Variants in SWAP70 observed in about 807,000 individuals in gnomAD.
The protein encoded by SWAP70 is switching B cell complex subunit SWAP70, also known as switch-associated protein 70.
SWAP70 carries 34 observed loss-of-function variants against 80.2 expected under a neutral mutation model. The ratio of observed to expected loss-of-function variants is 0.42; its 90% confidence interval spans 0.32 to 0.56. SWAP70 has a LOEUF of 0.56. Among genes scored for constraint, SWAP70 ranks in the 20% least tolerant of loss-of-function variants. SWAP70 has a pLI of 0.09. For missense variants in SWAP70, 578 were observed against 690.7 expected, an observed-to-expected ratio of 0.84 and a Z score of 1.83; for synonymous variants, 239 against 238.5, an observed-to-expected ratio of 1.00 and a Z score of -0.02.
At chr11:9,697,344 G>A (rs1416690625) in intron 2 of SWAP70, among the ~76,000 whole-genome samples, 1 of 149,318 alleles carries the variant, frequency 6.7e-6, no homozygotes, top group African/African-American at 2.5e-5. Context: ...GTGCAGTGCC[G>A]CAATCTCGGC....
At chr11:9,741,000 T>G (rs1564834749) in intron 9 of SWAP70, 1 of 154,820 alleles carries the variant, frequency 6.5e-6, no homozygotes, top group Non-Finnish European at 1.4e-5. Context: ...TCTGCCAGTT[T>G]CTACTTTGCT....
In SWAP70 at chr11:9,710,630, C is replaced by T. The variant is rs577906603; in HGVS notation, c.241-2836C>T. 1.3e-5 allele frequency among the ~76,000 whole-genome samples: 2 copies of T among 151,492 alleles called. 1 individual carries two copies. The highest frequency in any genetic ancestry group is 4.2e-4 in the South Asian group (2 of 4,762). ...CTGCCCATGCCTGCCTCCTCCAGTA[C>T]ATCTTCCATGTTATTCCAGGATATG... On this transcript the variant is annotated intron_variant, in intron 2 of 11. Transcript: ENST00000318950.
chr11:9,720,042 C>T, intron 3 of SWAP70: 5 of 984,604 alleles, frequency 5.1e-6, no homozygotes, highest in Non-Finnish European at 6.0e-6. Context: ...AAGTAAGCTG[C>T]TTCCTGAAAC....
At chr11:9,668,776 G>C (rs772581418) in intron 1 of SWAP70, among the ~76,000 whole-genome samples, 2 of 152,068 alleles carry the variant, frequency 1.3e-5, no homozygotes, top group African/African-American at 4.8e-5. Context: ...AAGCTATATG[G>C]GTATTCTAAA....
At chr11:9,704,480 C>T (rs1850874516) in intron 2 of SWAP70, among the ~76,000 whole-genome samples, 1 of 151,970 alleles carries the variant, frequency 6.6e-6, no homozygotes, top group African/African-American at 2.4e-5. Context: ...CTGCAACCTC[C>T]ACCTCCCGGG....
chr11:9,730,255 C>T (rs1851279438), intron 6 of SWAP70, among the ~76,000 whole-genome samples: 1 of 149,396 alleles, frequency 6.7e-6, no homozygotes, highest in South Asian at 2.1e-4. Context: ...CTTTGGGAGG[C>T]AGAGGCGGGT....
chr11:9,730,061 A>T (rs956741208), intron 6 of SWAP70, among the ~76,000 whole-genome samples: 3 of 152,200 alleles, frequency 2.0e-5, no homozygotes, highest in Non-Finnish European at 4.4e-5. Context: ...TAGTGTAATC[A>T]TCACTCGCAT....
intron 2 of SWAP70, among the ~76,000 whole-genome samples, chr11:9,699,465 A>G (rs1432941882): frequency 6.6e-6 from 1 of 152,052 alleles, no homozygotes; most frequent in Non-Finnish European, 1.5e-5. Context: ...AAATATGTCT[A>G]ATATGTCAAA....
At chr11:9,679,446 T>C (rs1471941934) in intron 1 of SWAP70, among the ~76,000 whole-genome samples, 1 of 152,218 alleles carries the variant, frequency 6.6e-6, no homozygotes, top group Non-Finnish European at 1.5e-5. Flanking sequence ...GATACTCAGC[T>C]AGCTGGCTGT....
At chr11:9,727,348 C>T (rs527638751) in intron 4 of SWAP70, among the ~76,000 whole-genome samples, 1 of 152,198 alleles carries the variant, frequency 6.6e-6, no homozygotes, top group South Asian at 2.1e-4. Flanking sequence ...CGAGATTGCA[C>T]CCACTGCACT....
rs1367692834 is a variant in SWAP70, at chr11:9,729,428, A to G, written c.875A>G (p.Lys292Arg). Reference protein sequence around the residue: ...KTFEISASDKKKKQEWIQAIH... With the variant: ...KTFEISASDKRKKQEWIQAIH... Reference sequence around the variant, plus strand: ...TTTGAAATCAGTGCTTCAGATAAGAAGAAGAAACAGGAGTGGATTCAAGGT... The same window carrying G: ...TTTGAAATCAGTGCTTCAGATAAGAGGAAGAAACAGGAGTGGATTCAAGGT... Residue 292 changes from lysine (K) to arginine (R), a missense_variant, in exon 6 of 12, where the codon AAG becomes AGG. Lys to Arg is a conservative substitution (Grantham distance 26). Coordinates refer to ENST00000318950, the MANE Select transcript of SWAP70 (RefSeq NM_015055.4). 6.2e-7 allele frequency: 1 copy of G among 1,611,462 alleles called. No homozygotes were observed.
At chr11:9,728,795 GAAT>G (rs1310613095) in intron 5 of SWAP70, among the ~76,000 whole-genome samples, 1 of 152,132 alleles carries the variant, frequency 6.6e-6, no homozygotes, top group Non-Finnish European at 1.5e-5. Context: ...GTATTTTAGT[GAAT>G]AATAATGTCT....
At chr11:9,676,929 A>T (rs749075135) in intron 1 of SWAP70, among the ~76,000 whole-genome samples, 2 of 152,130 alleles carry the variant, frequency 1.3e-5, no homozygotes, top group Non-Finnish European at 2.9e-5. Flanking sequence ...CTGGGATTAC[A>T]GGCGTGAGCC....
In SWAP70 at chr11:9,714,970, C is replaced by CTTTTTTTTTTT. The variant is rs34803928; in HGVS notation, c.414+1341_414+1351dup. ...TACAGGTGCCTGCCACCACACCTGC[C>CTTTTTTTTTTT]TTTTTTTTTTTTTTTTTTTTAAGAA... On this transcript the variant is annotated intron_variant, in intron 3 of 11. Transcript: ENST00000318950. Among the ~76,000 whole-genome samples the CTTTTTTTTTTT allele has an allele frequency of 2.5e-3, 279 of 109,992 alleles. 1 individual carries two copies. The highest frequency in any genetic ancestry group is 4.0e-3 in the Non-Finnish European group (222 of 56,140). The allele number at this position is 109,992 out of a possible 152,430, so 72.2% of individuals were successfully genotyped here. A position where few individuals can be genotyped will look rare whatever the true frequency, so the allele number is the denominator to read the frequency against.
In SWAP70 at chr11:9,724,846, T is replaced by A; in HGVS notation, c.603T>A (p.Asn201Lys). ...GGCAGACTGTGTCTATGGCAATTAA[T>A]GAAGTCTTTAATGAACTTATATTAG... is the stretch of plus-strand genomic sequence containing the variant. ...MDRQTVSMAI[N>K]EVFNELILDV... The change falls in exon 4 of 12, where the codon AAT becomes AAA. Residue 201 changes from asparagine to lysine, a missense_variant. Transcript: ENST00000318950. 6.2e-7 allele frequency: 1 copy of A among 1,613,472 alleles called. No individual in the cohort carries two copies. The highest frequency in any genetic ancestry group is 8.5e-7 in the Non-Finnish European group (1 of 1,179,420).
At chr11:9,739,678 A>C (rs1444745523) in intron 8 of SWAP70, among the ~76,000 whole-genome samples, 2 of 152,212 alleles carry the variant, frequency 1.3e-5, no homozygotes, top group Non-Finnish European at 2.9e-5. Context: ...CTAGGGCTGG[A>C]GGTGCCCCAG....
chr11:9,735,147 G>A (rs1851347187), intron 7 of SWAP70, among the ~76,000 whole-genome samples: 1 of 152,134 alleles, frequency 6.6e-6, no homozygotes, highest in African/African-American at 2.4e-5. Context: ...AAAGGCAGCT[G>A]TGAAAGATTT....
intron 5 of SWAP70, among the ~76,000 whole-genome samples, chr11:9,728,623 G>A (rs1237776076): frequency 6.6e-6 from 1 of 152,074 alleles, no homozygotes; most frequent in Non-Finnish European, 1.5e-5. Context: ...GAATACTTTG[G>A]GTGACTTTCA....
chr11:9,679,750 G>A (rs1054960330), intron 1 of SWAP70, among the ~76,000 whole-genome samples: 3 of 151,998 alleles, frequency 2.0e-5, no homozygotes, highest in Non-Finnish European at 4.4e-5. Context: ...CTCACTGCAA[G>A]CTCCACCTCC....
Sources: gnomAD v4.1 joint callset for allele counts (sites outside exome capture counted in the v4.1 genomes callset) on GRCh38, gnomAD v4.1.1 for gene constraint, MANE v1.5 for transcripts, NCBI Gene and HGNC (gene_info 2026-07-23, HGNC 2026-07-21) for gene names.